The following EVL variants were observed in gnomAD, a reference collection of about 807,000 sequenced individuals.
EVL encodes the protein Enah/Vasp-like.
A neutral mutation model predicts 59.6 loss-of-function variants in EVL; 21 were observed. The observed-to-expected ratio is 0.35, with a 90% confidence interval of 0.25 to 0.51. EVL has a LOEUF of 0.51. Ranked by LOEUF, EVL falls within the 20% of genes least tolerant of loss-of-function variation. The pLI is 0.97. For synonymous variants in EVL, 198 were observed against 203.5 expected (o/e 0.97, Z 0.23); for missense variants, 462 against 546.6 (o/e 0.85, Z 1.54).
intron 3 of EVL, among the ~76,000 whole-genome samples, chr14:100,110,081 G>A (rs1886864400): frequency 6.6e-6 from 1 of 152,198 alleles, no homozygotes; most frequent in Non-Finnish European, 1.5e-5. Context: ...TATTTGCAAA[G>A]GTAACTAACA....
At chr14:100,064,320 A>G (rs1469052735), upstream of EVL, among the ~76,000 whole-genome samples, 4 of 152,300 alleles carry the variant, frequency 2.6e-5, no homozygotes, top group South Asian at 2.1e-4. Context: ...GTCGTTCTCA[A>G]TTTTTTGTCT....
At chr14:100,000,498 C>T (rs1009152229) in intron 1 of EVL, among the ~76,000 whole-genome samples, 2 of 152,076 alleles carry the variant, frequency 1.3e-5, no homozygotes, top group African/African-American at 4.8e-5. Flanking sequence ...CAAGCGCGTG[C>T]CATCATGCCC....
At chr14:100,023,371 ATTTTTTTTTTTT>A (rs1010647617) in intron 1 of EVL, among the ~76,000 whole-genome samples, 1 of 90,772 alleles carries the variant, frequency 1.1e-5, no homozygotes. Flanking sequence ...AGCCCGGCTA[ATTTTTTTTTTTT>A]TTTTTTTTTT....
At chr14:100,039,937 C>G (rs1181072207) in intron 1 of EVL, among the ~76,000 whole-genome samples, 1 of 152,204 alleles carries the variant, frequency 6.6e-6, no homozygotes, top group Non-Finnish European at 1.5e-5. Flanking sequence ...CACCACCACA[C>G]TGGGCTAATT....
At chr14:100,030,633 A>G (rs1004968116) in intron 1 of EVL, among the ~76,000 whole-genome samples, 7 of 152,204 alleles carry the variant, frequency 4.6e-5, no homozygotes, top group African/African-American at 1.7e-4. Flanking sequence ...TGCTACTGAA[A>G]TGTTTATGAC....
chr14:100,056,220 A>T (rs1417861568), intron 1 of EVL, among the ~76,000 whole-genome samples: 1 of 150,834 alleles, frequency 6.6e-6, no homozygotes, highest in Non-Finnish European at 1.5e-5. Flanking sequence ...TCTTTTTTTT[A>T]ATTTTTTTTT....
At chr14:99,978,401 CAAA>C (rs1424220347) in intron 1 of EVL, among the ~76,000 whole-genome samples, 3 of 98,018 alleles carry the variant, frequency 3.1e-5, no homozygotes, top group Admixed American at 1.1e-4. Context: ...GACTCTGTCT[CAAA>C]AAAAAAAAAA....
intron 1 of EVL, among the ~76,000 whole-genome samples, chr14:100,007,055 G>A (rs1173589698): frequency 1.3e-5 from 2 of 152,064 alleles, no homozygotes; most frequent in African/African-American, 4.8e-5. Flanking sequence ...TGAGACTGGT[G>A]TCAGTTAATT....
rs1194066488 is a variant in EVL, at chr14:100,006,315, C to T, written c.5+34258C>T. Among the ~76,000 whole-genome samples, 31 of 134,438 alleles carry T rather than the reference C, an allele frequency of 2.3e-4. 1 individual carries two copies. In the South Asian group the frequency reaches 6.3e-3, roughly 27 times the overall value. 88.2% of individuals were successfully genotyped at this position (134,438 alleles called of 152,430 possible). The stretch of plus-strand genomic sequence containing the variant: ...TTTTTTTTTTTTTGAGACAGAGTTT[C>T]GTTCTGTCGCCCAGGCTGAAGTGCA... On this transcript the variant is annotated intron_variant, in intron 1 of 13. Coordinates refer to the EVL transcript ENST00000402714.
At chr14:100,027,664 C>G (rs2061236881) in intron 1 of EVL, among the ~76,000 whole-genome samples, 1 of 151,690 alleles carries the variant, frequency 6.6e-6, no homozygotes, top group Non-Finnish European at 1.5e-5. Context: ...TTGTTGGACG[C>G]TTAGGTTGAT....
At chr14:100,015,491 GC>G (rs2061043413) in intron 1 of EVL, among the ~76,000 whole-genome samples, 1 of 152,200 alleles carries the variant, frequency 6.6e-6, no homozygotes, top group South Asian at 2.1e-4. Context: ...TACCGCTGGG[GC>G]TAGGGAGGGT....
At chr14:100,133,170 T>C (rs1888547798) in intron 8 of EVL, among the ~76,000 whole-genome samples, 2 of 152,144 alleles carry the variant, frequency 1.3e-5, no homozygotes, top group Admixed American at 1.3e-4. Context: ...GTTTTTATTT[T>C]CAAATTATTT....
In EVL at chr14:100,125,068, T is replaced by C. The variant is rs1164228600; in HGVS notation, c.422+1466T>C. 2.6e-4 allele frequency among the ~76,000 whole-genome samples: 32 copies of C among 121,980 alleles called. 1 individual carries two copies. The East Asian group carries it at 5.7e-3, about 22-fold the overall frequency. 80.0% of individuals were successfully genotyped at this position (121,980 alleles called of 152,430 possible). ...GATAGACACACACACACACACCTGC[T>C]CCACGGTGGGACCACACACAGACAC... On this transcript the variant is annotated intron_variant, in intron 4 of 13. Transcript: ENST00000392920.
intron 13 of EVL, among the ~76,000 whole-genome samples, chr14:100,143,443 G>A (rs1447680900): frequency 6.6e-6 from 1 of 151,996 alleles, no homozygotes. Context: ...CACAGGCAGG[G>A]CACAGGCCTC....
At chr14:99,983,449 T>C (rs2060821099) in intron 1 of EVL, among the ~76,000 whole-genome samples, 1 of 152,196 alleles carries the variant, frequency 6.6e-6, no homozygotes, top group Non-Finnish European at 1.5e-5. Context: ...TGCCATTTTA[T>C]AGCTCTAAAG....
chr14:99,991,614 C>A, intron 1 of EVL, among the ~76,000 whole-genome samples: 1 of 152,070 alleles, frequency 6.6e-6, no homozygotes. Context: ...AGAATGATGT[C>A]TTTTGTTTCC....
chr14:100,122,704 T>G (rs943818024), intron 3 of EVL, among the ~76,000 whole-genome samples: 1 of 152,208 alleles, frequency 6.6e-6, no homozygotes, highest in African/African-American at 2.4e-5. Flanking sequence ...CTCTCTGCAG[T>G]TCCCTAGTGA....
At chr14:100,055,788 G>A (rs1482787327) in intron 1 of EVL, among the ~76,000 whole-genome samples, 1 of 137,968 alleles carries the variant, frequency 7.2e-6, no homozygotes. Context: ...CACTTACGTT[G>A]TTGTCTTTTT....
chr14:100,097,227 C>T (rs1885876550), intron 2 of EVL, among the ~76,000 whole-genome samples: 1 of 152,198 alleles, frequency 6.6e-6, no homozygotes, highest in African/African-American at 2.4e-5. Context: ...GAACCTGCCT[C>T]CCAGCTCAGC....
Sources: allele counts gnomAD v4.1 joint callset (sites outside exome capture counted in the v4.1 genomes callset), GRCh38; gene constraint gnomAD v4.1.1; transcripts MANE v1.5; gene names NCBI Gene and HGNC (gene_info 2026-07-23, HGNC 2026-07-21).